Variants in ECE1 observed in about 807,000 individuals in gnomAD.
The protein encoded by ECE1 is endothelin-converting enzyme 1.
A neutral mutation model predicts 98.6 loss-of-function variants in ECE1; 35 were observed. That is an observed-to-expected ratio of 0.35 (90% CI 0.27 to 0.47). The LOEUF (loss-of-function observed/expected upper bound fraction) is 0.47. ECE1 is among the 20% of genes least tolerant of loss of function. ECE1 has a pLI of 1.00. For synonymous variants in ECE1, 394 were observed against 407.1 expected (o/e 0.97, Z 0.39); for missense variants, 814 against 1,025.3 (o/e 0.79, Z 2.81).
chr1:21,304,935 T>A (rs1346741189), intron 1 of ECE1, among the ~76,000 whole-genome samples: 1 of 152,070 alleles, frequency 6.6e-6, no homozygotes, highest in Non-Finnish European at 1.5e-5. Context: ...CAACTGAAGA[T>A]GCCTCTGCAA....
rs1265511086 is a variant in ECE1 at position 21,345,504 on chromosome 1, C to G, written c.-126G>C. ...GGCTGCCTGGCCCAGGCGGCGCGCT[C>G]AGCTCCAGCGGGCGAGCTCGCGGCT... On this transcript the variant is annotated 5_prime_UTR_variant, in exon 1 of 19. Coordinates refer to the ECE1 transcript ENST00000415912. The surrounding 1 kb of genome is among the most constrained non-coding windows in gnomAD (Gnocchi z 5.1). The G allele has an allele frequency of 1.0e-6, 1 of 972,060 alleles. No individual in the cohort carries two copies. The highest frequency in any genetic ancestry group is 1.3e-6 in the Non-Finnish European group (1 of 761,942). 60.2% of individuals were successfully genotyped at this position (972,060 alleles called of 1,614,324 possible).
At chr1:21,263,624 G>A (rs2098229983) in intron 4 of ECE1, among the ~76,000 whole-genome samples, 1 of 151,954 alleles carries the variant, frequency 6.6e-6, no homozygotes, top group African/African-American at 2.4e-5. Flanking sequence ...CAAATGCTGG[G>A]ATTACAGGCG....
At chr1:21,330,226 C>CT (rs71014186) in intron 1 of ECE1, among the ~76,000 whole-genome samples, 2,365 of 43,378 alleles carry the variant, frequency 0.055, 774 homozygotes, top group Non-Finnish European at 0.083. Flanking sequence ...TCGCCAAATA[C>CT]TTTTTTTTTT....
chr1:21,227,059 T>C, intron 16 of ECE1, 100 bp downstream of exon 16: 1 of 1,201,994 alleles, frequency 8.3e-7, no homozygotes, highest in Non-Finnish European at 1.2e-6. Flanking sequence ...GGTCTTGCTA[T>C]GTTGCCCAGG....
At chr1:21,334,462 T>C (rs926324138) in intron 1 of ECE1, among the ~76,000 whole-genome samples, 1 of 152,252 alleles carries the variant, frequency 6.6e-6, no homozygotes, top group Non-Finnish European at 1.5e-5. Flanking sequence ...CCCTCCAGCG[T>C]GGCCGTGTGA....
intron 1 of ECE1, among the ~76,000 whole-genome samples, chr1:21,311,288 G>C (rs1487725913): frequency 6.6e-6 from 1 of 152,104 alleles, no homozygotes; most frequent in African/African-American, 2.4e-5. Flanking sequence ...AATGTTCATA[G>C]CATCTGTGCC....
rs138594584 is a variant in ECE1 at position 21,219,979 on chromosome 1, C to T, written c.2289G>A (p.Pro763=). Residue 763 remains proline (P), a synonymous_variant, in exon 19 of 19, where the codon CCG becomes CCA. Coordinates refer to ENST00000374893, the MANE Select transcript of ECE1 (RefSeq NM_001397.3). This position sits in a 1 kb window ranked among gnomAD's most constrained non-coding sequence, Gnocchi z 4.5. Reference sequence around the variant, plus strand: ...CTTACCAGACTTCGCACTTGTGAGGCGGGTTCATGGGTGAGCCAGGTGGGC... The same window carrying T: ...CTTACCAGACTTCGCACTTGTGAGGTGGGTTCATGGGTGAGCCAGGTGGGC... ...FRCPPGSPMN[P]PHKCEVW The T allele has an allele frequency of 2.5e-5, 40 of 1,614,214 alleles. No individual in the cohort carries two copies. The African/African-American group carries it at 3.6e-4, about 15-fold the overall frequency.
At position 21,297,530 on chromosome 1, in the gene ECE1, C is replaced by CTTTCT. The variant is rs1553368032; in HGVS notation, c.4-7375_4-7374insAGAAA. Among the ~76,000 whole-genome samples, 1,002 of 116,184 alleles carry CTTTCT rather than the reference C, an allele frequency of 8.6e-3. 20 individuals are homozygous for CTTTCT. In the East Asian group the frequency reaches 0.087, roughly 10 times the overall value. The allele number at this position is 116,184 out of a possible 152,430, so 76.2% of individuals were successfully genotyped here. ...TGGCAGAACTTTCTTTTTTCTTTTT[C>CTTTCT]TTTTTTTTTTTTTTTTTTTGAGACA... On this transcript the variant is annotated intron_variant, in intron 1 of 18. Coordinates refer to the ECE1 transcript ENST00000415912.
chr1:21,222,120 A>C (rs2098168189), intron 17 of ECE1: 1 of 492,650 alleles, frequency 2.0e-6, no homozygotes, highest in Non-Finnish European at 3.7e-6. Context: ...TGGACAGCCA[A>C]GATGCATCTC....
intron 8 of ECE1, among the ~76,000 whole-genome samples, chr1:21,251,168 G>A (rs1038332369): frequency 4.6e-5 from 7 of 152,108 alleles, no homozygotes; most frequent in African/African-American, 1.7e-4. Context: ...CAAAGGACAG[G>A]TGAATTTGTG....
At chr1:21,337,799 G>A (rs1428514851) in intron 1 of ECE1, among the ~76,000 whole-genome samples, 1 of 152,118 alleles carries the variant, frequency 6.6e-6, no homozygotes, top group African/African-American at 2.4e-5. Flanking sequence ...TGTCCAAGGT[G>A]ACAATGCAAA....
chr1:21,273,010 C>G, intron 3 of ECE1, 99 bp from the exon 4 acceptor site: 1 of 1,336,442 alleles, frequency 7.5e-7, no homozygotes. Context: ...CATGTCCCAC[C>G]CTGGCCCTGA....
Position 21,327,894 on chromosome 1 carries a change from C to T in ECE1, c.3+17482G>A, listed in dbSNP as rs751998956. On this transcript the variant is annotated intron_variant, in intron 1 of 18. Coordinates refer to the ECE1 transcript ENST00000415912. The surrounding 1 kb of genome is among the most constrained non-coding windows in gnomAD (Gnocchi z 4.6). The stretch of plus-strand genomic sequence containing the variant: ...AGCGCGAACCCTATTGTGAACTGCA[C>T]GTGCGAGGGATCTAGGCTGTGCATT... 2.6e-5 allele frequency among the ~76,000 whole-genome samples: 4 copies of T among 152,170 alleles called. No individual in the cohort carries two copies. The highest frequency in any genetic ancestry group is 5.9e-5 in the Non-Finnish European group (4 of 68,028).
rs2098173412 is a variant in ECE1 at position 21,225,761 on chromosome 1, A to G, written c.1850-321T>C. Among the ~76,000 whole-genome samples, 1 of 147,230 alleles carries G rather than the reference A, an allele frequency of 6.8e-6. No homozygotes were observed. Among genetic ancestry groups the G allele is most frequent in the Non-Finnish European group, 1.5e-5 (1 of 67,192 alleles). ...GGCTGGAGTGCAGTGGCGCAATCTC[A>G]GCTCACTGCAACCTTTGCCTCCTGG... On this transcript the variant is annotated intron_variant, in intron 16 of 18. Transcript: ENST00000374893. This position sits in a 1 kb window ranked among gnomAD's most constrained non-coding sequence, Gnocchi z 5.3.
intron 4 of ECE1, among the ~76,000 whole-genome samples, chr1:21,267,430 G>C (rs970445999): frequency 1.3e-5 from 2 of 152,198 alleles, no homozygotes; most frequent in Non-Finnish European, 2.9e-5. Flanking sequence ...GGCAAAGAGA[G>C]AGAGAGGCTG....
upstream of ECE1, among the ~76,000 whole-genome samples, chr1:21,292,887 C>T (rs1186979527): frequency 1.3e-5 from 2 of 152,202 alleles, no homozygotes; most frequent in African/African-American, 4.8e-5. Context: ...TTCCATTACC[C>T]ATCCCAGAGA....
chr1:21,235,727 C>T lies in ECE1; in HGVS notation c.1566+123G>A. ...TGACCCATACCCAAGCCCCACACCACATCATCCCTGTGTGTTTTGACAACC... is the reference window on the plus strand; with the variant it reads ...TGACCCATACCCAAGCCCCACACCATATCATCCCTGTGTGTTTTGACAACC... On this transcript the variant is annotated intron_variant, in intron 13 of 18. Transcript: ENST00000374893. This position sits in a 1 kb window ranked among gnomAD's most constrained non-coding sequence, Gnocchi z 4.2. 9.6e-7 allele frequency: 1 copy of T among 1,040,842 alleles called. No homozygotes were observed. Among genetic ancestry groups the T allele is most frequent in the South Asian group, 1.3e-5 (1 of 79,060 alleles). 64.5% of individuals were successfully genotyped at this position (1,040,842 alleles called of 1,614,324 possible). A position where few individuals can be genotyped will look rare whatever the true frequency, so the allele number is the denominator to read the frequency against.
rs1029210673 is a variant in ECE1 at position 21,219,229 on chromosome 1, G to C, written c.*726C>G. ...AGGGCTCCCACTGTTGGACTCAGGG[G>C]ACGGAGGCAGGCTAGCTGAAGGGGC... is the stretch of plus-strand genomic sequence containing the variant. On this transcript the variant is annotated 3_prime_UTR_variant, in exon 19 of 19. Coordinates refer to ENST00000374893, the MANE Select transcript of ECE1 (RefSeq NM_001397.3). This position sits in a 1 kb window ranked among gnomAD's most constrained non-coding sequence, Gnocchi z 4.5. The C allele has an allele frequency of 6.6e-6, 1 of 152,608 alleles. No individual in the cohort carries two copies. Among genetic ancestry groups the C allele is most frequent in the African/African-American group, 2.4e-5 (1 of 41,468 alleles). The allele number at this position is 152,608 out of a possible 1,614,324, so 9.5% of individuals were successfully genotyped here.
rs35637824 is a variant in ECE1, at chr1:21,258,891, G to T, written c.616-52C>A. On this transcript the variant is annotated intron_variant, in intron 5 of 18. Transcript: ENST00000374893. The surrounding 1 kb of genome is among the most constrained non-coding windows in gnomAD (Gnocchi z 4.2). ...GGTGATGAGGTGGCGGGGAGACCCA[G>T]ATGTGAATTCTGGTTCTGCCGCTGA... 1.2e-6 allele frequency: 2 copies of T among 1,609,358 alleles called. 1 individual carries two copies. Among genetic ancestry groups the T allele is most frequent in the East Asian group, 4.5e-5 (2 of 44,716 alleles).
Sources: gnomAD v4.1 joint callset for allele counts (sites outside exome capture counted in the v4.1 genomes callset) on GRCh38, gnomAD v4.1.1 for gene constraint, Gnocchi (gnomAD v3.1) non-coding constraint, MANE v1.5 for transcripts, NCBI Gene and HGNC (gene_info 2026-07-23, HGNC 2026-07-21) for gene names.